The following XIRP2 variants were observed in gnomAD, a reference collection of about 807,000 sequenced individuals.
The protein encoded by XIRP2 is xin actin binding repeat containing 2.
Under a neutral mutation model 277.0 loss-of-function variants are expected in XIRP2, and 236 were observed. The observed-to-expected ratio is 0.85, with a 90% CI of 0.77 to 0.95. The LOEUF (loss-of-function observed/expected upper bound fraction) is 0.95. XIRP2 is among the 40% of genes least tolerant of loss of function. XIRP2 has a pLI of 0.00. For missense variants in XIRP2, 4,640 were observed against 4,157.5 expected (o/e 1.12, Z -3.19); for synonymous variants, 1,490 against 1,416.5 (o/e 1.05, Z -1.17).
At chr2:166,979,369 C>CTTTTCTTTTTTT (rs1173291393) in intron 2 of XIRP2, among the ~76,000 whole-genome samples, 3 of 108,526 alleles carry the variant, frequency 2.8e-5, no homozygotes, top group Non-Finnish European at 3.8e-5. Context: ...CTTTTCTTTT[C>CTTTTCTTTTTTT]TTTTTTTTTT....
At chr2:167,188,152 C>T (rs961388483) in intron 3 of XIRP2, among the ~76,000 whole-genome samples, 3 of 152,186 alleles carry the variant, frequency 2.0e-5, no homozygotes, top group Non-Finnish European at 4.4e-5. Flanking sequence ...ATAGTAACTA[C>T]AACCTTAAAC....
intron 2 of XIRP2, among the ~76,000 whole-genome samples, chr2:167,023,774 G>A (rs759078840): frequency 1.7e-4 from 26 of 151,960 alleles, no homozygotes; most frequent in African/African-American, 2.9e-4. Context: ...GTAGATATGC[G>A]GCATTATTTC....
intron 2 of XIRP2, among the ~76,000 whole-genome samples, chr2:166,958,811 A>G (rs1366366211): frequency 6.6e-6 from 1 of 151,822 alleles, no homozygotes; most frequent in Non-Finnish European, 1.5e-5. Flanking sequence ...ATCTTATCCT[A>G]GTATCTTACA....
At chr2:167,066,192 G>T (rs1210723851) in intron 2 of XIRP2, among the ~76,000 whole-genome samples, 1 of 151,848 alleles carries the variant, frequency 6.6e-6, no homozygotes, top group African/African-American at 2.4e-5. Context: ...TTAGTATGTG[G>T]ATTTTCTGAA....
chr2:167,079,053 G>A (rs1689657460), intron 2 of XIRP2, among the ~76,000 whole-genome samples: 1 of 152,056 alleles, frequency 6.6e-6, no homozygotes, highest in African/African-American at 2.4e-5. Flanking sequence ...AGTTTCCTGA[G>A]GGTTTTTATC....
chr2:167,059,403 C>T (rs577465203), intron 2 of XIRP2, among the ~76,000 whole-genome samples: 4 of 147,792 alleles, frequency 2.7e-5, no homozygotes, highest in East Asian at 2.0e-4. Flanking sequence ...TGAACCACCA[C>T]GCCTGGCTGG....
At chr2:167,183,682 A>G (rs1337729306) in intron 3 of XIRP2, among the ~76,000 whole-genome samples, 2 of 151,526 alleles carry the variant, frequency 1.3e-5, no homozygotes, top group Admixed American at 6.6e-5. Context: ...AAATATATCA[A>G]TTGTGATTAT....
chr2:167,102,932 CA>C (rs369175804), intron 2 of XIRP2, among the ~76,000 whole-genome samples: 200 of 152,140 alleles, frequency 1.3e-3, no homozygotes, highest in Admixed American at 2.3e-3. Flanking sequence ...ACTGACCTGT[CA>C]GACAAAAGAC....
chr2:167,235,603 G>A (rs1694879915), intron 5 of XIRP2, among the ~76,000 whole-genome samples: 1 of 151,878 alleles, frequency 6.6e-6, no homozygotes, highest in South Asian at 2.1e-4. Context: ...ACTATGAAAT[G>A]TGATAGGTAG....
chr2:166,984,185 A>G lies in XIRP2; in HGVS notation c.408+80295A>G, dbSNP rs116361735. 7.2e-3 allele frequency among the ~76,000 whole-genome samples: 1,103 copies of G among 152,312 alleles called. 10 individuals carry two copies. Among genetic ancestry groups the G allele is most frequent in the Non-Finnish European group, 9.1e-3 (619 of 68,020 alleles). ...GAAGACTGCAAGAGGACAATTTATC[A>G]ATTGGTTTCTTGTCACTAAATGACA... is the stretch of plus-strand genomic sequence containing the variant. On this transcript the variant is annotated intron_variant, in intron 2 of 10. Coordinates refer to ENST00000409195, the MANE Select transcript of XIRP2 (RefSeq NM_152381.6).
intron 5 of XIRP2, among the ~76,000 whole-genome samples, chr2:167,230,221 T>C (rs1340419482): frequency 6.6e-6 from 1 of 152,156 alleles, no homozygotes; most frequent in Non-Finnish European, 1.5e-5. Context: ...CGTATAGCAG[T>C]GTTTAAAAAC....
intron 2 of XIRP2, among the ~76,000 whole-genome samples, chr2:167,033,230 A>T (rs147291619): frequency 6.6e-6 from 1 of 152,078 alleles, no homozygotes; most frequent in African/African-American, 2.4e-5. Flanking sequence ...CATAAGTGGG[A>T]GTTGAACAAT....
chr2:166,894,235 T>G (rs1421404873), intron 1 of XIRP2, among the ~76,000 whole-genome samples: 1 of 152,136 alleles, frequency 6.6e-6, no homozygotes, highest in African/African-American at 2.4e-5. Flanking sequence ...CTTTAATACA[T>G]GGACAACTTA....
chr2:166,934,854 A>AC (rs1553471197), intron 2 of XIRP2, among the ~76,000 whole-genome samples: 3 of 149,290 alleles, frequency 2.0e-5, no homozygotes, highest in Non-Finnish European at 4.4e-5. Flanking sequence ...TAAAAATAAA[A>AC]AAAAAATTTT....
chr2:167,179,089 A>G (rs1692935566), intron 3 of XIRP2, among the ~76,000 whole-genome samples: 1 of 152,146 alleles, frequency 6.6e-6, no homozygotes, highest in Non-Finnish European at 1.5e-5. Flanking sequence ...TAATAATGTT[A>G]TATATACTAA....
At chr2:167,124,126 G>A (rs1030471941) in intron 2 of XIRP2, 4 of 151,978 alleles carry the variant, frequency 2.6e-5, no homozygotes, top group African/African-American at 9.7e-5. Flanking sequence ...ATTCTGGAAG[G>A]AGTAATAGAA....
At chr2:167,028,887 A>G (rs187843493) in intron 2 of XIRP2, among the ~76,000 whole-genome samples, 1 of 151,834 alleles carries the variant, frequency 6.6e-6, no homozygotes, top group Admixed American at 6.6e-5. Context: ...TTGCAAGTCA[A>G]GCGGACATTC....
chr2:167,168,330 G>A (rs1051913808), intron 3 of XIRP2, among the ~76,000 whole-genome samples: 12 of 151,838 alleles, frequency 7.9e-5, no homozygotes, highest in African/African-American at 2.9e-4. Flanking sequence ...TATTTTTTCT[G>A]TTTCTTTCTC....
At chr2:167,040,745 C>G (rs527715599) in intron 2 of XIRP2, among the ~76,000 whole-genome samples, 244 of 152,270 alleles carry the variant, frequency 1.6e-3, no homozygotes, top group Admixed American at 3.6e-3. Context: ...TGGCTATGGC[C>G]ACCAGCAAGT....
Sources: gnomAD v4.1 joint callset for allele counts (sites outside exome capture counted in the v4.1 genomes callset) on GRCh38, gnomAD v4.1.1 for gene constraint, MANE v1.5 for transcripts, NCBI Gene and HGNC (gene_info 2026-07-23, HGNC 2026-07-21) for gene names.